Variants in AFAP1 observed in about 807,000 individuals in gnomAD.
The protein encoded by AFAP1 is actin filament-associated protein 1.
Under a neutral mutation model 93.9 loss-of-function variants are expected in AFAP1, and 75 were observed. That is an observed-to-expected ratio of 0.80 (90% confidence interval 0.66 to 0.97). AFAP1 has a LOEUF of 0.97. AFAP1 is among the 50% of genes least tolerant of loss of function. The pLI is 0.00. For missense variants in AFAP1, 1,201 were observed against 1,050.8 expected (o/e 1.14, Z -1.98); for synonymous variants, 517 against 430.7 (o/e 1.20, Z -2.48).
chr4:7,899,098 ATACC>A (rs1718969902), intron 1 of AFAP1, among the ~76,000 whole-genome samples: 1 of 151,980 alleles, frequency 6.6e-6, no homozygotes, highest in Admixed American at 6.6e-5. Context: ...GGAAAAATAC[ATACC>A]TAAGCAGAGA....
At chr4:7,862,755 A>G (rs1715879808) in intron 3 of AFAP1, among the ~76,000 whole-genome samples, 1 of 152,140 alleles carries the variant, frequency 6.6e-6, no homozygotes, top group Admixed American at 6.6e-5. Context: ...CTGTCTACCA[A>G]ATGAAAATAT....
At chr4:7,780,532 G>A (rs1716651047) in intron 13 of AFAP1, among the ~76,000 whole-genome samples, 1 of 152,218 alleles carries the variant, frequency 6.6e-6, no homozygotes, top group South Asian at 2.1e-4. Flanking sequence ...TGCATGATAA[G>A]CTGGGCACGG....
At chr4:7,766,592 T>C (rs1414298055) in intron 17 of AFAP1, among the ~76,000 whole-genome samples, 1 of 125,410 alleles carries the variant, frequency 8.0e-6, no homozygotes, top group Non-Finnish European at 1.8e-5. Flanking sequence ...GGTGACTGTG[T>C]CACGGGAGGG....
chr4:7,870,496 C>T (rs1716927068), intron 2 of AFAP1, among the ~76,000 whole-genome samples: 1 of 152,090 alleles, frequency 6.6e-6, no homozygotes, highest in African/African-American at 2.4e-5. Context: ...CCTGTCTCTA[C>T]AAAAATAACC....
chr4:7,864,069 C>CATTCCCAACTTCCCATCACAACA (rs1560207792), intron 3 of AFAP1, among the ~76,000 whole-genome samples: 1 of 6,870 alleles, frequency 1.5e-4, no homozygotes, highest in African/African-American at 7.0e-4. Flanking sequence ...CCATCACAAC[C>CATTCCCAACTTCCCATCACAACA]CATTCCCAAC....
At position 7,813,107 on chromosome 4, in the gene AFAP1, C is replaced by A. The variant is rs117388004; in HGVS notation, c.904+2911G>T. On this transcript the variant is annotated intron_variant, in intron 8 of 17. Transcript: ENST00000420658. ...TGACCGCATGGAGCCTGGACTGTCT[C>A]TTTCTTCATCTGAGATTCTAACACT... Among the ~76,000 whole-genome samples, 73 of 152,276 alleles carry A rather than the reference C, an allele frequency of 4.8e-4. 2 individuals are homozygous for A. The East Asian group carries it at 0.013, about 27-fold the overall frequency.
intron 9 of AFAP1, among the ~76,000 whole-genome samples, chr4:7,803,318 C>T (rs1280236900): frequency 6.6e-6 from 1 of 152,216 alleles, no homozygotes. Flanking sequence ...GTGGTCAGGG[C>T]CCAGGCAACC....
At chr4:7,808,982 T>C (rs907420207) in intron 9 of AFAP1, among the ~76,000 whole-genome samples, 7 of 152,094 alleles carry the variant, frequency 4.6e-5, no homozygotes, top group East Asian at 1.9e-4. Flanking sequence ...TCTTTATGAA[T>C]TACCCAGCCT....
At chr4:7,800,351 A>C in intron 10 of AFAP1, 91 bp downstream of exon 10, 1 of 1,360,502 alleles carries the variant, frequency 7.4e-7, no homozygotes, top group African/African-American at 1.4e-5. Flanking sequence ...AGATGGGAGG[A>C]ATTTTGATAG....
At chr4:7,899,017 A>ATG (rs201618710) in intron 1 of AFAP1, among the ~76,000 whole-genome samples, 289 of 129,516 alleles carry the variant, frequency 2.2e-3, no homozygotes, top group African/African-American at 5.7e-3. Flanking sequence ...ATATAAATAT[A>ATG]TGTGTGTGTA....
At position 7,816,054 on chromosome 4, in the gene AFAP1, C is replaced by G; in HGVS notation, c.868G>C (p.Glu290Gln). Reference sequence around the variant, plus strand: ...CCATTACATGTGGTAATTCCATTTTCCACAACACCCTCCCCATCTGAGCTG... The same window carrying G: ...CCATTACATGTGGTAATTCCATTTTGCACAACACCCTCCCCATCTGAGCTG... ...RPSSDGEGVV[E>Q]NGITTCNGKE... is the part of the protein sequence containing the mutation. The change falls in exon 8 of 18, where the codon GAA (glutamate) becomes CAA (glutamine). Residue 290 changes from glutamate (E) to glutamine (Q), a missense_variant. Physicochemically the swap from Glu to Gln is conservative, Grantham distance 29. Transcript: ENST00000420658. 1.2e-6 allele frequency: 2 copies of G among 1,612,818 alleles called. No homozygotes were observed. The highest frequency in any genetic ancestry group is 1.1e-5 in the South Asian group (1 of 91,034).
At position 7,781,629 on chromosome 4, in the gene AFAP1, T is replaced by A. The variant is rs757595695; in HGVS notation, c.1531-2A>T. On this transcript the variant is annotated splice_acceptor_variant, in intron 12 of 17. Coordinates refer to ENST00000420658, the MANE Select transcript of AFAP1 (RefSeq NM_001134647.2). LOFTEE classifies it high-confidence loss of function. ...AGGAAAGCCGTCTTCCGGTTCCCAC[T>A]GCAACACACATAGCTTTGTGGTTAG... 2.3e-5 allele frequency: 36 copies of A among 1,551,710 alleles called. No individual in the cohort carries two copies. Among genetic ancestry groups the A allele is most frequent in the Middle Eastern group, 1.7e-4 (1 of 5,992 alleles).
intron 6 of AFAP1, among the ~76,000 whole-genome samples, chr4:7,825,647 A>C (rs961543783): frequency 6.6e-6 from 1 of 152,156 alleles, no homozygotes; most frequent in Non-Finnish European, 1.5e-5. Context: ...AAGGCTAAAA[A>C]CTCAATTATC....
chr4:7,868,616 A>T lies in AFAP1; in HGVS notation c.225+6T>A. On this transcript the variant is annotated splice_donor_region_variant and intron_variant, in intron 3 of 17. Coordinates refer to ENST00000420658, the MANE Select transcript of AFAP1 (RefSeq NM_001134647.2). The stretch of plus-strand genomic sequence containing the variant: ...TGACCACTGAGATGGTGGGACCTTG[A>T]CTCACCAGCCAGGGCTGAGGGATCT... 6.2e-7 allele frequency: 1 copy of T among 1,610,338 alleles called. No homozygotes were observed. Among genetic ancestry groups the T allele is most frequent in the Non-Finnish European group, 8.5e-7 (1 of 1,179,402 alleles).
chr4:7,805,084 T>G (rs144118594), intron 9 of AFAP1, among the ~76,000 whole-genome samples: 2 of 152,278 alleles, frequency 1.3e-5, no homozygotes, highest in Non-Finnish European at 2.9e-5. Context: ...TTTCTTTTTT[T>G]GAGGTGGGGC....
chr4:7,905,564 TTC>T (rs1240790007), intron 1 of AFAP1, among the ~76,000 whole-genome samples: 1 of 152,224 alleles, frequency 6.6e-6, no homozygotes, highest in East Asian at 1.9e-4. Flanking sequence ...CTAAAAAGAT[TTC>T]TTTTTCACAT....
intron 1 of AFAP1, among the ~76,000 whole-genome samples, chr4:7,907,718 A>G (rs1484266092): frequency 6.6e-6 from 1 of 152,194 alleles, no homozygotes; most frequent in Admixed American, 6.5e-5. Flanking sequence ...CAGCAAGTAT[A>G]ATACATATTC....
intron 8 of AFAP1, among the ~76,000 whole-genome samples, chr4:7,814,770 G>A (rs953280636): frequency 6.6e-6 from 1 of 152,232 alleles, no homozygotes; most frequent in Non-Finnish European, 1.5e-5. Context: ...GCAGACGGGG[G>A]AGAAAGAGCA....
intron 9 of AFAP1, among the ~76,000 whole-genome samples, chr4:7,803,859 TC>T (rs937665871): frequency 1.3e-5 from 2 of 151,754 alleles, no homozygotes; most frequent in African/African-American, 4.8e-5. Context: ...CCCCCAATTT[TC>T]CCCCCAAAAA....
Sources: allele counts gnomAD v4.1 joint callset (sites outside exome capture counted in the v4.1 genomes callset), GRCh38; gene constraint gnomAD v4.1.1; transcripts MANE v1.5; gene names NCBI Gene and HGNC (gene_info 2026-07-23, HGNC 2026-07-21).